The following PCMT1 variants were observed in gnomAD, a reference collection of about 807,000 sequenced individuals.
PCMT1 encodes protein-L-isoaspartate(D-aspartate) O-methyltransferase.
In PCMT1, 9 loss-of-function variants were observed where a neutral mutation model predicts 29.2. The observed-to-expected ratio is 0.31, with a 90% CI of 0.19 to 0.54. The LOEUF (loss-of-function observed/expected upper bound fraction) is 0.54, where lower values mean the gene tolerates loss of function less well. Among genes scored for constraint, PCMT1 ranks in the 20% least tolerant of loss-of-function variants. The pLI is 0.95. For synonymous variants in PCMT1, 98 were observed against 97.5 expected, an observed-to-expected ratio of 1.00 and a Z score of -0.03; for missense variants, 184 against 282.2, an observed-to-expected ratio of 0.65 and a Z score of 2.49.
rs934660812 is a variant in PCMT1 at position 149,783,711 on chromosome 6, CT to C, written c.193-6242del. 8.4e-4 allele frequency among the ~76,000 whole-genome samples: 127 copies of C among 152,014 alleles called. 1 individual carries two copies. The highest frequency in any genetic ancestry group is 2.7e-3 in the African/African-American group (113 of 41,478). ...ACAGGACTCTTTTTTTTTCTCCCCCCTGAGACAGGGTCTTGCTCTGTTGCCC... is the reference window on the plus strand; with the variant it reads ...ACAGGACTCTTTTTTTTTCTCCCCCCGAGACAGGGTCTTGCTCTGTTGCCC... On this transcript the variant is annotated intron_variant, in intron 3 of 7. Transcript: ENST00000464889.
At chr6:149,793,518 A>C in intron 4 of PCMT1, 31 bp from the exon 5 acceptor site, 1 of 1,419,492 alleles carries the variant, frequency 7.0e-7, no homozygotes, top group Non-Finnish European at 9.2e-7. Context: ...ATTTAGCCCA[A>C]TGAGCTACTG....
In PCMT1 at chr6:149,782,601, G is replaced by A. The variant is rs1015775792; in HGVS notation, c.193-7353G>A. Among the ~76,000 whole-genome samples, 6 of 152,164 alleles carry A rather than the reference G, an allele frequency of 3.9e-5. 1 individual carries two copies. The highest frequency in any genetic ancestry group is 3.9e-4 in the Admixed American group (6 of 15,274). On this transcript the variant is annotated intron_variant, in intron 3 of 7. Coordinates refer to ENST00000464889, the MANE Select transcript of PCMT1 (RefSeq NM_001360452.2). ...CTGTCAAGTGAGGAAGTACTCAAAG[G>A]CTGAGGAGGTAATGTCAGAAGGACA... is the stretch of plus-strand genomic sequence containing the variant.
At chr6:149,790,226 A>G (rs1788302323) in intron 4 of PCMT1, among the ~76,000 whole-genome samples, 168 bp downstream of exon 4, 1 of 152,248 alleles carries the variant, frequency 6.6e-6, no homozygotes, top group South Asian at 2.1e-4. Flanking sequence ...GTGACAGAAC[A>G]TGCAACCCAA....
chr6:149,755,957 A>T (rs1262675203), intron 1 of PCMT1, among the ~76,000 whole-genome samples: 1 of 152,192 alleles, frequency 6.6e-6, no homozygotes, highest in East Asian at 1.9e-4. Flanking sequence ...TAGACTTGGG[A>T]TAAGCATTCC....
At position 149,776,019 on chromosome 6, in the gene PCMT1, C is replaced by T. The variant is rs536679537; in HGVS notation, c.192+2850C>T. On this transcript the variant is annotated intron_variant, in intron 3 of 7. Transcript: ENST00000464889. ...TACTAAAAATACAAAATTAGCTGGG[C>T]GTGGTGGCGCATGCCTGTAATCCCA... Among the ~76,000 whole-genome samples, 168 of 151,880 alleles carry T rather than the reference C, an allele frequency of 1.1e-3. 1 individual carries two copies. The highest frequency in any genetic ancestry group is 2.1e-3 in the Admixed American group (32 of 15,266).
intron 1 of PCMT1, 62 bp downstream of exon 1, chr6:149,750,018 C>T: frequency 6.5e-7 from 1 of 1,530,068 alleles, no homozygotes; most frequent in South Asian, 1.2e-5. Context: ...ACCGGGTCCC[C>T]CTGGGCCGTC....
At chr6:149,789,252 A>G (rs1583043912) in intron 3 of PCMT1, among the ~76,000 whole-genome samples, 1 of 151,654 alleles carries the variant, frequency 6.6e-6, no homozygotes, top group South Asian at 2.1e-4. Context: ...ATTTTCTTGT[A>G]TTTTTAGTAG....
rs1477579839 is a variant in PCMT1, at chr6:149,765,167, T to C, written c.56-5995T>C. On this transcript the variant is annotated intron_variant, in intron 1 of 7. Coordinates refer to ENST00000464889, the MANE Select transcript of PCMT1 (RefSeq NM_001360452.2). ...CGAGGTCAGGAGATCGAGACCATCC[T>C]GGCTAACACGGTGAAACCCCGTCTC... 9.3e-5 allele frequency among the ~76,000 whole-genome samples: 14 copies of C among 151,232 alleles called. No homozygotes were observed. In the East Asian group the frequency reaches 2.7e-3, roughly 29 times the overall value.
intron 5 of PCMT1, chr6:149,796,091 T>C (rs1279875938): frequency 9.5e-6 from 2 of 209,578 alleles, no homozygotes; most frequent in African/African-American, 4.7e-5. Context: ...CCCAGCACTT[T>C]GGGAGGCTGA....
intron 6 of PCMT1, among the ~76,000 whole-genome samples, chr6:149,801,811 T>C (rs1267931958): frequency 1.3e-5 from 2 of 152,196 alleles, no homozygotes; most frequent in Non-Finnish European, 1.5e-5. Context: ...AAAAGTTGTT[T>C]ATAATGATGT....
intron 1 of PCMT1, among the ~76,000 whole-genome samples, chr6:149,758,712 G>C (rs1326632383): frequency 6.6e-6 from 1 of 152,030 alleles, no homozygotes; most frequent in East Asian, 1.9e-4. Context: ...TAAATACTAT[G>C]TATCAATTAA....
rs185340125 is a variant in PCMT1, at chr6:149,810,972, A to T, written c.*394A>T. On this transcript the variant is annotated 3_prime_UTR_variant, in exon 8 of 8. Transcript: ENST00000464889. The stretch of plus-strand genomic sequence containing the variant: ...TTCTTGGACACTTAATTCTGTTCTG[A>T]TATTAATTTATCAGATTGCTTTTGT... 3.5e-5 allele frequency: 7 copies of T among 200,950 alleles called. No homozygotes were observed. The East Asian group carries it at 8.9e-4, about 26-fold the overall frequency. 12.4% of individuals were successfully genotyped at this position (200,950 alleles called of 1,614,324 possible).
rs140298308 is a variant in PCMT1 at position 149,772,756 on chromosome 6, G to A, written c.161-382G>A. On this transcript the variant is annotated intron_variant, in intron 2 of 7. Coordinates refer to ENST00000464889, the MANE Select transcript of PCMT1 (RefSeq NM_001360452.2). ...GTGAAAGCCGGGCGTGGTGGCTCAC[G>A]CCTGTAATCCTAGCACTTTGGGAGG... The A allele has an allele frequency of 3.6e-3, 1,309 of 362,170 alleles. 14 individuals carry two copies. The highest frequency in any genetic ancestry group is 0.025 in the African/African-American group (1,170 of 46,832). 22.4% of individuals were successfully genotyped at this position (362,170 alleles called of 1,614,324 possible). A position where few individuals can be genotyped will look rare whatever the true frequency, so the allele number is the denominator to read the frequency against.
intron 3 of PCMT1, among the ~76,000 whole-genome samples, chr6:149,785,355 C>CT (rs11310169): frequency 0.081 from 5,914 of 73,258 alleles, 205 homozygotes; most frequent in Non-Finnish European, 0.11. Context: ...TGGCTGTTTT[C>CT]TTTTTTTTTT....
chr6:149,784,426 G>A (rs1387199496), intron 3 of PCMT1, among the ~76,000 whole-genome samples: 1 of 151,630 alleles, frequency 6.6e-6, no homozygotes, highest in Admixed American at 6.6e-5. Context: ...AAATCACCCA[G>A]CTTTAATAAT....
chr6:149,803,832 G>T (rs543228320), intron 7 of PCMT1, among the ~76,000 whole-genome samples: 1 of 149,306 alleles, frequency 6.7e-6, no homozygotes, highest in Non-Finnish European at 1.5e-5. Flanking sequence ...TTTAGTCCAG[G>T]CATTTTGGGA....
chr6:149,793,439 T>G, intron 4 of PCMT1, 110 bp from the exon 5 acceptor site: 1 of 920,432 alleles, frequency 1.1e-6, no homozygotes, highest in Non-Finnish European at 1.5e-6. Flanking sequence ...CCTTAAGCTA[T>G]TTTTGTTTTC....
chr6:149,768,086 G>A (rs1026796006), intron 1 of PCMT1, among the ~76,000 whole-genome samples: 1 of 149,774 alleles, frequency 6.7e-6, no homozygotes, highest in African/African-American at 2.5e-5. Context: ...GAGCCACCAT[G>A]CCCGACCTGT....
At chr6:149,777,639 C>T (rs1386542090) in intron 3 of PCMT1, among the ~76,000 whole-genome samples, 1 of 152,064 alleles carries the variant, frequency 6.6e-6, no homozygotes, top group Non-Finnish European at 1.5e-5. Flanking sequence ...CATACATGCA[C>T]ATATATGTTT....
Sources: allele counts gnomAD v4.1 joint callset (sites outside exome capture counted in the v4.1 genomes callset), GRCh38; gene constraint gnomAD v4.1.1; transcripts MANE v1.5; gene names NCBI Gene and HGNC (gene_info 2026-07-23, HGNC 2026-07-21).